HTR2C: variants seen among roughly 807,000 people sequenced by gnomAD.
The protein encoded by HTR2C is 5-hydroxytryptamine (serotonin) receptor 2C, G protein-coupled.
A neutral mutation model predicts 21.0 loss-of-function variants in HTR2C; 5 were observed. The observed-to-expected ratio is 0.24, with a 90% CI of 0.12 to 0.50. The LOEUF (loss-of-function observed/expected upper bound fraction) is 0.50, where lower values mean the gene tolerates loss of function less well. Ranked by LOEUF, HTR2C falls within the 20% of genes least tolerant of loss-of-function variation. HTR2C has a pLI of 0.98. For missense variants in HTR2C, 271 were observed against 371.2 expected (o/e 0.73, Z 2.22); for synonymous variants, 150 against 145.3 (o/e 1.03, Z -0.23).
intron 2 of HTR2C, among the ~76,000 whole-genome samples, chrX:114,677,909 G>T (rs1931614082): frequency 9.0e-6 from 1 of 111,013 alleles, no homozygotes; most frequent in African/African-American, 3.3e-5. Flanking sequence ...TCATCAAAAT[G>T]ATCCTCTAAT....
chrX:114,722,500 C>A (rs1489947322), intron 2 of HTR2C, among the ~76,000 whole-genome samples: 1 of 111,036 alleles, frequency 9.0e-6, no homozygotes, highest in Non-Finnish European at 1.9e-5. Flanking sequence ...ATTGAATACC[C>A]TTTATTTCCT....
chrX:114,647,707 G>A (rs782705878), intron 2 of HTR2C, among the ~76,000 whole-genome samples: 11 of 112,656 alleles, frequency 9.8e-5, no homozygotes, highest in Non-Finnish European at 1.7e-4. Flanking sequence ...AGGTATACAA[G>A]TAAGCTAGAG....
rs1556450597 is a variant in HTR2C, at chrX:114,807,141, A to ACC, written c.350-40861_350-40860dup. Among the ~76,000 whole-genome samples the ACC allele has an allele frequency of 2.9e-4, 3 of 10,434 alleles. 1 individual carries two copies. Among genetic ancestry groups the ACC allele is most frequent in the Non-Finnish European group, 4.1e-4 (2 of 4,892 alleles). 9.1% of individuals were successfully genotyped at this position (10,434 alleles called of 115,157 possible). On this transcript the variant is annotated intron_variant, in intron 4 of 5. Transcript: ENST00000276198. The stretch of plus-strand genomic sequence containing the variant: ...TATACCATATATACACCATATATAT[A>ACC]CCATATATACACCATATATATACCC...
intron 4 of HTR2C, among the ~76,000 whole-genome samples, chrX:114,761,765 A>C (rs2069868824): frequency 9.3e-6 from 1 of 107,930 alleles, no homozygotes; most frequent in African/African-American, 3.4e-5. Flanking sequence ...TCATTGCTTC[A>C]TGTTATATGT....
At chrX:114,758,081 A>G (rs1460669066) in intron 4 of HTR2C, among the ~76,000 whole-genome samples, 4 of 111,468 alleles carry the variant, frequency 3.6e-5, no homozygotes, top group African/African-American at 1.3e-4. Context: ...AATAATGACC[A>G]CACTCACATC....
chrX:114,862,565 T>C (rs1556473309), intron 5 of HTR2C, among the ~76,000 whole-genome samples: 4 of 111,031 alleles, frequency 3.6e-5, no homozygotes, highest in Non-Finnish European at 7.6e-5. Context: ...TATATTGCTT[T>C]GGGCAGTATG....
intron 4 of HTR2C, among the ~76,000 whole-genome samples, chrX:114,772,313 T>C (rs868931424): frequency 1.4e-4 from 16 of 112,217 alleles, no homozygotes; most frequent in Admixed American, 1.1e-3. Context: ...AAAGTTAAAA[T>C]GATTATTTCA....
intron 5 of HTR2C, among the ~76,000 whole-genome samples, chrX:114,902,508 C>G (rs1241076804): frequency 9.0e-6 from 1 of 111,325 alleles, no homozygotes; most frequent in East Asian, 2.8e-4. Flanking sequence ...ATAAACCCAT[C>G]TAAGGTTAAC....
chrX:114,783,864 A>G (rs992615338), intron 4 of HTR2C, among the ~76,000 whole-genome samples: 2 of 111,641 alleles, frequency 1.8e-5, no homozygotes, highest in Non-Finnish European at 3.8e-5. Flanking sequence ...TGAAAATTAG[A>G]AAAATTTAAA....
intron 2 of HTR2C, among the ~76,000 whole-genome samples, chrX:114,708,889 G>T (rs1932849991): frequency 1.8e-5 from 2 of 111,515 alleles, no homozygotes; most frequent in Non-Finnish European, 3.8e-5. Flanking sequence ...GGCTTAGAGA[G>T]AAAAGGCATT....
At chrX:114,600,854 G>C (rs1556394127) in intron 1 of HTR2C, among the ~76,000 whole-genome samples, 14 of 111,597 alleles carry the variant, frequency 1.3e-4, no homozygotes, top group Non-Finnish European at 3.8e-5. Flanking sequence ...CAATTTTAAA[G>C]ATCCATTTTA....
intron 2 of HTR2C, among the ~76,000 whole-genome samples, chrX:114,682,063 GT>G (rs1931764334): frequency 9.0e-6 from 1 of 111,221 alleles, no homozygotes; most frequent in African/African-American, 3.3e-5. Flanking sequence ...TTTTAAATAA[GT>G]TTTGCCACCT....
At chrX:114,649,201 G>A (rs1224215178) in intron 2 of HTR2C, among the ~76,000 whole-genome samples, 1 of 111,847 alleles carries the variant, frequency 8.9e-6, no homozygotes, top group African/African-American at 3.2e-5. Flanking sequence ...TCAAGCACTT[G>A]GGAGGATTCT....
At chrX:114,730,950 T>G (rs1482678099) in intron 3 of HTR2C, among the ~76,000 whole-genome samples, 1 of 111,597 alleles carries the variant, frequency 9.0e-6, no homozygotes, top group African/African-American at 3.3e-5. Flanking sequence ...AAAAGTTACT[T>G]ACCCTTTCTG....
intron 4 of HTR2C, among the ~76,000 whole-genome samples, chrX:114,784,974 A>G (rs1423147180): frequency 9.0e-6 from 1 of 111,491 alleles, no homozygotes. Flanking sequence ...ACATAATCCA[A>G]TATGACTTAT....
In HTR2C at chrX:114,830,220, A is replaced by G. The variant is rs187713606; in HGVS notation, c.350-17783A>G. On this transcript the variant is annotated intron_variant, in intron 4 of 5. Coordinates refer to ENST00000276198, the MANE Select transcript of HTR2C (RefSeq NM_000868.4). ...TGCTTGCCTCCTTTTATGCCAGGAT[A>G]GAAAAAGTGAAGCAAAGAAATCTCT... is the stretch of plus-strand genomic sequence containing the variant. 1.9e-4 allele frequency among the ~76,000 whole-genome samples: 21 copies of G among 111,183 alleles called. No homozygotes were observed. The Admixed American group carries it at 1.9e-3, about 10-fold the overall frequency.
intron 1 of HTR2C, among the ~76,000 whole-genome samples, chrX:114,595,627 T>C: frequency 9.0e-6 from 1 of 111,054 alleles, no homozygotes; most frequent in South Asian, 3.8e-4. Flanking sequence ...AATTAGGAAG[T>C]TATAGATATA....
At chrX:114,648,859 A>G (rs1323471438) in intron 2 of HTR2C, among the ~76,000 whole-genome samples, 2 of 112,068 alleles carry the variant, frequency 1.8e-5, no homozygotes, top group African/African-American at 6.5e-5. Flanking sequence ...CTTTAGGCAA[A>G]TGTTCAGAGA....
At chrX:114,739,931 C>A (rs1380532301) in intron 4 of HTR2C, among the ~76,000 whole-genome samples, 3 of 109,608 alleles carry the variant, frequency 2.7e-5, no homozygotes, top group Non-Finnish European at 5.7e-5. Flanking sequence ...CATAGTGAAA[C>A]CCCAGTCTCT....
Sources: allele counts gnomAD v4.1 joint callset (sites outside exome capture counted in the v4.1 genomes callset), GRCh38; gene constraint gnomAD v4.1.1; transcripts MANE v1.5; gene names NCBI Gene and HGNC (gene_info 2026-07-23, HGNC 2026-07-21).